The following RTN4 variants were observed in gnomAD, a reference collection of about 807,000 sequenced individuals.
RTN4 encodes reticulon 4, also known as reticulon-4.
Under a neutral mutation model 90.4 loss-of-function variants are expected in RTN4, and 32 were observed. That is an observed-to-expected ratio of 0.35 (90% CI 0.27 to 0.48). The LOEUF is 0.48. RTN4 is among the 20% of genes least tolerant of loss of function. The pLI, the probability that RTN4 is intolerant of heterozygous loss-of-function variation, is 0.99. For synonymous variants in RTN4, 629 were observed against 552.5 expected (o/e 1.14, Z -1.94); for missense variants, 1,706 against 1,430.2 (o/e 1.19, Z -3.11).
intron 1 of RTN4, among the ~76,000 whole-genome samples, chr2:55,109,959 A>G (rs184028592): frequency 3.5e-3 from 532 of 152,332 alleles, no homozygotes; most frequent in Admixed American, 8.3e-3. Flanking sequence ...TTATATTCAG[A>G]AGTGGTAAGA....
chr2:55,005,197 T>G (rs185141022), intron 3 of RTN4, among the ~76,000 whole-genome samples: 1 of 152,312 alleles, frequency 6.6e-6, no homozygotes, highest in East Asian at 1.9e-4. Flanking sequence ...GAAAATCCCT[T>G]AAGTGCCATG....
chr2:54,994,346 C>G lies in RTN4; in HGVS notation c.3014-6648G>C, dbSNP rs78488800. ...TAATCCCCAACAAAATACAAGCAAA[C>G]TGGATCGAGCAACATATAAAAAAGA... On this transcript the variant is annotated intron_variant, in intron 3 of 8. Transcript: ENST00000337526. Among the ~76,000 whole-genome samples, 44 of 152,274 alleles carry G rather than the reference C, an allele frequency of 2.9e-4. No individual in the cohort carries two copies. In the East Asian group the frequency reaches 6.9e-3, roughly 24 times the overall value.
chr2:55,104,416 G>T (rs187646688), intron 1 of RTN4, among the ~76,000 whole-genome samples: 1 of 151,500 alleles, frequency 6.6e-6, no homozygotes, highest in African/African-American at 2.4e-5. Context: ...GCAGCGTTGC[G>T]ATCTCAGCTC....
intron 1 of RTN4, among the ~76,000 whole-genome samples, chr2:55,090,579 A>G (rs1247878436): frequency 6.6e-6 from 1 of 152,184 alleles, no homozygotes; most frequent in Admixed American, 6.5e-5. Context: ...ATCCACCTGG[A>G]AGTTTCGCCA....
chr2:55,066,653 C>G (rs889729013), intron 2 of RTN4, among the ~76,000 whole-genome samples: 5 of 151,734 alleles, frequency 3.3e-5, no homozygotes, highest in Non-Finnish European at 5.9e-5. Flanking sequence ...AAGATCGTGC[C>G]ACTGCACTCC....
At chr2:55,100,657 A>C (rs1667837306) in intron 1 of RTN4, among the ~76,000 whole-genome samples, 1 of 152,110 alleles carries the variant, frequency 6.6e-6, no homozygotes, top group South Asian at 2.1e-4. Context: ...AAGTAGTTAA[A>C]TCAAAGTTTA....
chr2:55,079,119 T>A (rs1239172769), intron 2 of RTN4, among the ~76,000 whole-genome samples: 1 of 152,138 alleles, frequency 6.6e-6, no homozygotes, highest in Non-Finnish European at 1.5e-5. Flanking sequence ...GGTGGTGGAA[T>A]CTAGGATTTG....
chr2:55,050,595 G>T, upstream of RTN4: 1 of 278,962 alleles, frequency 3.6e-6, no homozygotes, highest in East Asian at 6.0e-5. This position sits in a 1 kb window ranked among gnomAD's most constrained non-coding sequence, Gnocchi z 4.6. Context: ...GGAGGGCAGG[G>T]ACTGGCGCGG....
At chr2:55,098,775 C>T (rs7596128) in intron 1 of RTN4, among the ~76,000 whole-genome samples, 83,103 of 151,896 alleles carry the variant, frequency 0.55, 23,167 homozygotes, top group Admixed American at 0.57. Flanking sequence ...CCCTTTCTTG[C>T]GAATTATTTA....
intron 3 of RTN4, among the ~76,000 whole-genome samples, chr2:55,019,153 AAT>A (rs1187883566): frequency 6.6e-6 from 1 of 152,222 alleles, no homozygotes; most frequent in Non-Finnish European, 1.5e-5. Flanking sequence ...AGAAAATGGA[AAT>A]TCACGGATCC....
intron 2 of RTN4, among the ~76,000 whole-genome samples, chr2:55,071,460 C>A (rs559954576): frequency 6.7e-6 from 1 of 148,356 alleles, no homozygotes; most frequent in Non-Finnish European, 1.5e-5. Flanking sequence ...CATTAACAAA[C>A]AACCCTGTGT....
upstream of RTN4, among the ~76,000 whole-genome samples, chr2:55,054,512 T>G (rs1335580303): frequency 2.0e-5 from 3 of 152,244 alleles, no homozygotes; most frequent in Non-Finnish European, 4.4e-5. Context: ...GAATGCTAAA[T>G]TGACACCTAA....
chr2:55,075,549 C>T (rs1668584762), intron 2 of RTN4, among the ~76,000 whole-genome samples: 1 of 152,180 alleles, frequency 6.6e-6, no homozygotes, highest in Non-Finnish European at 1.5e-5. Flanking sequence ...CAATACCTAT[C>T]AAAATACCAC....
intron 3 of RTN4, among the ~76,000 whole-genome samples, chr2:54,992,884 A>G (rs922687856): frequency 1.3e-5 from 2 of 151,828 alleles, no homozygotes; most frequent in South Asian, 2.1e-4. Flanking sequence ...CCTTCCTAAC[A>G]CGGTGAAACC....
chr2:55,063,556 T>G (rs780650815), intron 2 of RTN4, among the ~76,000 whole-genome samples: 4 of 152,034 alleles, frequency 2.6e-5, no homozygotes, highest in Non-Finnish European at 5.9e-5. Flanking sequence ...TGGTAAGGGT[T>G]GTAAGCAGGA....
intron 3 of RTN4, among the ~76,000 whole-genome samples, chr2:54,999,334 T>C (rs1021475324): frequency 2.6e-5 from 4 of 152,204 alleles, no homozygotes; most frequent in African/African-American, 9.7e-5. Flanking sequence ...TAGCTAAAAA[T>C]AGTGTCAGCC....
At chr2:55,078,102 C>G (rs188084523) in intron 2 of RTN4, among the ~76,000 whole-genome samples, 2 of 151,506 alleles carry the variant, frequency 1.3e-5, no homozygotes, top group Admixed American at 6.6e-5. Flanking sequence ...GATGGGTGCA[C>G]CAAAATCTCA....
rs1475648117 is a variant in RTN4, at chr2:55,045,388, T to C, written c.556+4357A>G. On this transcript the variant is annotated intron_variant, in intron 1 of 8. Transcript: ENST00000337526. ...AGAAAGCGTGCTTCTTATACTCTTA[T>C]ATTCCTCCCTTCTATTCCATTTTCA... is the stretch of plus-strand genomic sequence containing the variant. Among the ~76,000 whole-genome samples the C allele has an allele frequency of 3.3e-5, 5 of 152,244 alleles. No individual in the cohort carries two copies. The East Asian group carries it at 7.7e-4, about 23-fold the overall frequency.
intron 1 of RTN4, chr2:55,049,286 C>G: frequency 2.2e-6 from 1 of 451,128 alleles, no homozygotes; most frequent in South Asian, 8.6e-5. Context: ...AGACCCGCAG[C>G]AAAACTGCAC....
Sources: allele counts gnomAD v4.1 joint callset (sites outside exome capture counted in the v4.1 genomes callset), GRCh38; gene constraint gnomAD v4.1.1; non-coding constraint Gnocchi (gnomAD v3.1); transcripts MANE v1.5; gene names NCBI Gene and HGNC (gene_info 2026-07-23, HGNC 2026-07-21).